The following ASIP variants were observed in gnomAD, a reference collection of about 807,000 sequenced individuals.
ASIP encodes the protein agouti signaling protein, also known as agouti-signaling protein.
Under a neutral mutation model 10.3 loss-of-function variants are expected in ASIP, and 11 were observed. That is an observed-to-expected ratio of 1.07 (90% CI 0.68 to 1.78). The LOEUF (loss-of-function observed/expected upper bound fraction) is 1.78. Ranked by LOEUF, ASIP falls within the 40% of genes most tolerant of loss-of-function variation. ASIP has a pLI of 0.00. For synonymous variants in ASIP, 70 were observed against 70.8 expected (o/e 0.99, Z 0.06); for missense variants, 180 against 169.2 (o/e 1.06, Z -0.35).
chr20:34,261,438 AGCCTGGTC>A (rs2035689601), intron 2 of ASIP, among the ~76,000 whole-genome samples: 1 of 152,220 alleles, frequency 6.6e-6, no homozygotes, highest in South Asian at 2.1e-4. Flanking sequence ...GTTCAAGACC[AGCCTGGTC>A]AACAGGGTGA....
At chr20:34,243,246 T>A (rs996715746) in intron 1 of ASIP, among the ~76,000 whole-genome samples, 1 of 152,182 alleles carries the variant, frequency 6.6e-6, no homozygotes, top group Non-Finnish European at 1.5e-5. Flanking sequence ...CCTCAGGCAG[T>A]CTGGGCCTGC....
At chr20:34,235,917 A>AGGAGGGAG (rs2035195713) in intron 1 of ASIP, among the ~76,000 whole-genome samples, 1 of 131,074 alleles carries the variant, frequency 7.6e-6, no homozygotes, top group African/African-American at 3.3e-5. Flanking sequence ...GAAGGAAGGA[A>AGGAGGGAG]GGAAGGAAGG....
intron 1 of ASIP, among the ~76,000 whole-genome samples, chr20:34,203,006 C>T (rs1443768564): frequency 6.6e-6 from 1 of 151,918 alleles, no homozygotes; most frequent in Non-Finnish European, 1.5e-5. Context: ...GACGGGGTTT[C>T]ACCGCGTTAG....
chr20:34,245,562 A>AT (rs1213822712), intron 1 of ASIP, among the ~76,000 whole-genome samples: 5 of 150,108 alleles, frequency 3.3e-5, no homozygotes, highest in Middle Eastern at 3.4e-3. Context: ...TAAATTTTGT[A>AT]TTTTTTTTGG....
At chr20:34,207,808 G>A (rs2034947274) in intron 1 of ASIP, among the ~76,000 whole-genome samples, 1 of 146,340 alleles carries the variant, frequency 6.8e-6, no homozygotes, top group South Asian at 2.2e-4. Context: ...TTATTTATTT[G>A]AGATGGAGTC....
upstream of ASIP, among the ~76,000 whole-genome samples, chr20:34,241,323 A>G (rs191478870): frequency 1.3e-5 from 2 of 152,332 alleles, no homozygotes. Flanking sequence ...TGGATCTGAA[A>G]GAACCTTCCT....
At chr20:34,223,240 C>T (rs1315839731) in intron 1 of ASIP, among the ~76,000 whole-genome samples, 9 of 151,046 alleles carry the variant, frequency 6.0e-5, no homozygotes, top group African/African-American at 1.5e-4. Context: ...TCTGCCCGGC[C>T]GCCCATCGTC....
chr20:34,196,515 A>G (rs190681819), intron 1 of ASIP, among the ~76,000 whole-genome samples: 1 of 152,236 alleles, frequency 6.6e-6, no homozygotes, highest in Non-Finnish European at 1.5e-5. Context: ...CAAAAAGTTC[A>G]GATGTCTGGG....
intron 1 of ASIP, among the ~76,000 whole-genome samples, chr20:34,211,303 T>C (rs952784939): frequency 1.3e-5 from 2 of 152,188 alleles, no homozygotes; most frequent in African/African-American, 4.8e-5. Context: ...CCTCAAATGA[T>C]CCTCCCACTT....
Position 34,266,244 on chromosome 20 carries a change from T to C in ASIP, c.223-2747T>C, listed in dbSNP as rs185578882. On this transcript the variant is annotated intron_variant, in intron 3 of 3. Coordinates refer to ENST00000374954, the MANE Select transcript of ASIP (RefSeq NM_001672.3). ...GCGGGCGCCTGTAGTCCCAGCTACT[T>C]GGGAGGCTGAGGCAGGAGAATGGCG... 3.4e-4 allele frequency among the ~76,000 whole-genome samples: 51 copies of C among 151,358 alleles called. No individual in the cohort carries two copies. In the East Asian group the frequency reaches 9.4e-3, roughly 28 times the overall value.
chr20:34,198,202 G>T (rs1351748980), intron 1 of ASIP, among the ~76,000 whole-genome samples: 1 of 151,662 alleles, frequency 6.6e-6, no homozygotes, highest in Admixed American at 6.6e-5. Flanking sequence ...CGATTCTCAT[G>T]CCTCAGTCTC....
intron 1 of ASIP, among the ~76,000 whole-genome samples, chr20:34,207,599 C>T (rs1210289872): frequency 1.3e-5 from 2 of 152,068 alleles, no homozygotes; most frequent in African/African-American, 4.8e-5. Flanking sequence ...GAAATCTTTG[C>T]CAGGACCAAC....
rs115719898 is a variant in ASIP at position 34,200,732 on chromosome 20, T to C, written c.-11+5972T>C. 1.3e-3 allele frequency among the ~76,000 whole-genome samples: 193 copies of C among 152,362 alleles called. 1 individual carries two copies. The highest frequency in any genetic ancestry group is 4.5e-3 in the African/African-American group (186 of 41,586). ...GAGAAACAGGGAAGGGTGCACTTACTAGCAACCTAAGAATAATTTTTCAGC... is the reference window on the plus strand; with the variant it reads ...GAGAAACAGGGAAGGGTGCACTTACCAGCAACCTAAGAATAATTTTTCAGC... On this transcript the variant is annotated intron_variant, in intron 1 of 3. Coordinates refer to the ASIP transcript ENST00000568305.
upstream of ASIP, among the ~76,000 whole-genome samples, chr20:34,240,055 G>C (rs1225219087): frequency 6.6e-6 from 1 of 152,150 alleles, no homozygotes; most frequent in Admixed American, 6.5e-5. Context: ...GTGTGTCTGA[G>C]GAACAGAAAG....
intron 1 of ASIP, among the ~76,000 whole-genome samples, chr20:34,208,152 C>A (rs1271645432): frequency 6.6e-6 from 1 of 152,044 alleles, no homozygotes; most frequent in Non-Finnish European, 1.5e-5. Context: ...TTCCATTGGT[C>A]TATGTATCTG....
intron 1 of ASIP, among the ~76,000 whole-genome samples, chr20:34,218,847 T>G (rs1275125503): frequency 2.0e-5 from 3 of 152,020 alleles, no homozygotes; most frequent in Non-Finnish European, 4.4e-5. Context: ...GTATTTTTAG[T>G]AGAGACGGGG....
chr20:34,246,148 A>T (rs963049452), intron 1 of ASIP: 28 of 1,004,432 alleles, frequency 2.8e-5, no homozygotes, highest in East Asian at 9.6e-5. Context: ...TTGCAAGGCC[A>T]CACACTCTTG....
At chr20:34,225,906 T>G (rs574682615) in intron 1 of ASIP, among the ~76,000 whole-genome samples, 1 of 152,282 alleles carries the variant, frequency 6.6e-6, no homozygotes, top group South Asian at 2.1e-4. Context: ...TTTTTTTTCT[T>G]TTTTTGAAAC....
At chr20:34,259,057 T>A (rs535233794) in intron 1 of ASIP, among the ~76,000 whole-genome samples, 39 of 150,262 alleles carry the variant, frequency 2.6e-4, no homozygotes, top group African/African-American at 8.1e-4. Flanking sequence ...AATTTTTTTT[T>A]AAATTAGCCA....
Sources: allele counts gnomAD v4.1 joint callset (sites outside exome capture counted in the v4.1 genomes callset), GRCh38; gene constraint gnomAD v4.1.1; transcripts MANE v1.5; gene names NCBI Gene and HGNC (gene_info 2026-07-23, HGNC 2026-07-21).